Variants in TMC2 observed in about 807,000 individuals in gnomAD.
TMC2 encodes transmembrane channel like 2, also known as transmembrane channel-like protein 2.
TMC2 carries 102 observed loss-of-function variants against 105.9 expected under a neutral mutation model. The ratio of observed to expected loss-of-function variants is 0.96; its 90% CI spans 0.82 to 1.14. The LOEUF is 1.14. Among genes scored for constraint, TMC2 ranks in the 50% most tolerant of loss-of-function variants. The pLI, the probability that TMC2 is intolerant of heterozygous loss-of-function variation, is 0.00. For missense variants in TMC2, 1,093 were observed against 1,134.3 expected (o/e 0.96, Z 0.52); for synonymous variants, 402 against 422.8 (o/e 0.95, Z 0.60).
chr20:2,636,033 CG>C (rs1568532631), intron 18 of TMC2, 29 bp downstream of exon 18: 1 of 1,594,888 alleles, frequency 6.3e-7, no homozygotes, highest in Non-Finnish European at 8.6e-7. Context: ...TCATCCTGGA[CG>C]GTAAAAAGAG....
At chr20:2,600,986 G>GAAAAAAAAAAAAAA (rs55710696) in intron 10 of TMC2, among the ~76,000 whole-genome samples, 2 of 90,562 alleles carry the variant, frequency 2.2e-5, no homozygotes, top group Admixed American at 1.3e-4. Flanking sequence ...GACTGTCTCA[G>GAAAAAAAAAAAAAA]AAAAAAAAAA....
intron 16 of TMC2, 135 bp from the exon 17 acceptor site, chr20:2,624,136 G>A: frequency 2.0e-6 from 2 of 987,798 alleles, no homozygotes; most frequent in Non-Finnish European, 2.9e-6. Context: ...CAGTTCATTT[G>A]GAGCAGAGCT....
chr20:2,544,789 G>A (rs2085912731), intron 2 of TMC2, among the ~76,000 whole-genome samples: 1 of 152,162 alleles, frequency 6.6e-6, no homozygotes, highest in Non-Finnish European at 1.5e-5. Flanking sequence ...GCTGGGTGCA[G>A]TGGTTCACAC....
intron 17 of TMC2, 25 bp from the exon 18 acceptor site, chr20:2,635,901 T>C (rs756350633): frequency 5.0e-6 from 8 of 1,598,580 alleles, no homozygotes; most frequent in Middle Eastern, 3.3e-4. Flanking sequence ...CACGGGACCA[T>C]AGGAGGCATG....
chr20:2,619,045 T>C (rs559787953), intron 16 of TMC2, among the ~76,000 whole-genome samples: 41 of 152,222 alleles, frequency 2.7e-4, no homozygotes, highest in African/African-American at 9.9e-4. Context: ...CGCCTCACTC[T>C]AGTCCCAACC....
chr20:2,609,082 A>T (rs563987285), intron 11 of TMC2, among the ~76,000 whole-genome samples: 1 of 152,334 alleles, frequency 6.6e-6, no homozygotes, highest in South Asian at 2.1e-4. Context: ...GTTTTCACAT[A>T]AATATCTGAG....
At chr20:2,540,650 G>C (rs1244451029) in intron 2 of TMC2, among the ~76,000 whole-genome samples, 5 of 109,398 alleles carry the variant, frequency 4.6e-5, no homozygotes, top group African/African-American at 1.8e-4. Flanking sequence ...GGCAGAGAGG[G>C]ACTCTCAAAA....
intron 17 of TMC2, among the ~76,000 whole-genome samples, chr20:2,628,643 G>A (rs2086581054): frequency 6.6e-6 from 1 of 152,018 alleles, no homozygotes. Flanking sequence ...ACTTTGCTCG[G>A]CACTTCTCCT....
chr20:2,540,746 A>C (rs890332189), intron 2 of TMC2, among the ~76,000 whole-genome samples: 5 of 151,956 alleles, frequency 3.3e-5, no homozygotes, highest in African/African-American at 1.2e-4. Flanking sequence ...TAAGTGAAGC[A>C]ATCACAGCCA....
chr20:2,638,548 CAGA>C (rs36029032), intron 19 of TMC2, among the ~76,000 whole-genome samples: 13,263 of 151,934 alleles, frequency 0.087, 808 homozygotes, highest in East Asian at 0.3. Context: ...GGAGCTATTC[CAGA>C]AGAAGGTGTT....
At chr20:2,584,409 A>C (rs1301016355) in intron 7 of TMC2, among the ~76,000 whole-genome samples, 7 of 143,994 alleles carry the variant, frequency 4.9e-5, no homozygotes, top group South Asian at 4.4e-4. Flanking sequence ...CCGCCACTGC[A>C]CTCCAGCCTG....
intron 5 of TMC2, among the ~76,000 whole-genome samples, chr20:2,573,718 G>A (rs6115007): frequency 0.089 from 12,969 of 145,500 alleles, 734 homozygotes; most frequent in African/African-American, 0.12. Flanking sequence ...CCGCCACCAC[G>A]CCCGGCTAAT....
intron 7 of TMC2, among the ~76,000 whole-genome samples, chr20:2,582,943 C>T (rs1013120904): frequency 2.6e-5 from 4 of 152,176 alleles, no homozygotes; most frequent in African/African-American, 9.7e-5. Flanking sequence ...CCCTGAGGAA[C>T]CCTCAGTTAT....
chr20:2,617,366 A>G (rs775746347), intron 16 of TMC2, 55 bp downstream of exon 16: 23 of 1,604,956 alleles, frequency 1.4e-5, no homozygotes, highest in Non-Finnish European at 1.9e-5. Flanking sequence ...GTCTGCTCAG[A>G]GGGCCTCGGC....
chr20:2,542,830 T>C (rs2085898953), intron 2 of TMC2, among the ~76,000 whole-genome samples: 1 of 151,914 alleles, frequency 6.6e-6, no homozygotes, highest in South Asian at 2.1e-4. Context: ...TAGCTGGGAC[T>C]ACAGGCGAGC....
chr20:2,577,903 C>T (rs564265343), intron 5 of TMC2, among the ~76,000 whole-genome samples: 28 of 150,962 alleles, frequency 1.9e-4, no homozygotes, highest in Middle Eastern at 3.6e-3. Context: ...TGAAAAGAAA[C>T]GTTTCCCTTT....
intron 17 of TMC2, among the ~76,000 whole-genome samples, chr20:2,628,898 C>T (rs8125724): frequency 1.1e-3 from 166 of 147,354 alleles, no homozygotes; most frequent in African/African-American, 3.8e-3. Flanking sequence ...GTCAGGAGAT[C>T]GAGACCATCC....
intron 3 of TMC2, among the ~76,000 whole-genome samples, chr20:2,559,182 CG>C (rs2086007768): frequency 1.3e-5 from 2 of 152,204 alleles, no homozygotes; most frequent in South Asian, 4.1e-4. Context: ...TGAACAAAAT[CG>C]GACTCAGGAA....
intron 16 of TMC2, among the ~76,000 whole-genome samples, chr20:2,623,693 C>T (rs1034232883): frequency 3.3e-5 from 5 of 152,212 alleles, no homozygotes; most frequent in African/African-American, 7.2e-5. Flanking sequence ...CCAGGAGTCT[C>T]TGGGCCAGCA....
Sources: allele counts gnomAD v4.1 joint callset (sites outside exome capture counted in the v4.1 genomes callset), GRCh38; gene constraint gnomAD v4.1.1; transcripts MANE v1.5; gene names NCBI Gene and HGNC (gene_info 2026-07-23, HGNC 2026-07-21).